INVS: variants seen among roughly 807,000 people sequenced by gnomAD.
INVS encodes the protein inversin.
In INVS, 86 loss-of-function variants were observed where a neutral mutation model predicts 108.8. The observed-to-expected ratio is 0.79, with a 90% CI of 0.66 to 0.95. INVS has a LOEUF of 0.95. Ranked by LOEUF, INVS falls within the 40% of genes least tolerant of loss-of-function variation. The pLI, the probability that INVS is intolerant of heterozygous loss-of-function variation, is 0.00. For missense variants in INVS, 1,169 were observed against 1,297.4 expected, an observed-to-expected ratio of 0.90 and a Z score of 1.52; for synonymous variants, 455 against 473.5, an observed-to-expected ratio of 0.96 and a Z score of 0.51.
At chr9:100,272,777 T>G in intron 11 of INVS, 87 bp from the exon 12 acceptor site, 1 of 1,233,754 alleles carries the variant, frequency 8.1e-7, no homozygotes, top group Non-Finnish European at 1.2e-6. Flanking sequence ...GAAGTTTCCT[T>G]CTGCTGCATA....
intron 1 of INVS, chr9:100,102,663 G>A (rs779577719): frequency 6.6e-6 from 1 of 152,226 alleles, no homozygotes; most frequent in African/African-American, 2.4e-5. Flanking sequence ...ATGCCATTCA[G>A]GTGTCCACTT....
chr9:100,104,666 C>A, intron 2 of INVS, 39 bp downstream of exon 2: 1 of 1,351,884 alleles, frequency 7.4e-7, no homozygotes, highest in Non-Finnish European at 1.1e-6. Context: ...TTAAAAGCAA[C>A]TGTTTGTCCT....
intron 2 of INVS, chr9:100,117,256 C>G: frequency 1.3e-6 from 1 of 781,928 alleles, no homozygotes; most frequent in Non-Finnish European, 2.2e-6. Flanking sequence ...TAGCAACAAA[C>G]GCTTTGAACC....
chr9:100,217,936 G>A (rs1410493285), intron 3 of INVS, among the ~76,000 whole-genome samples: 1 of 151,734 alleles, frequency 6.6e-6, no homozygotes, highest in Non-Finnish European at 1.5e-5. Flanking sequence ...TACTTCCTAG[G>A]GATAGTAATT....
At chr9:100,168,222 A>G (rs541307360) in intron 3 of INVS, among the ~76,000 whole-genome samples, 15 of 152,188 alleles carry the variant, frequency 9.9e-5, no homozygotes, top group East Asian at 3.9e-4. Flanking sequence ...TGATACTTCA[A>G]TTGGCTTATC....
At chr9:100,128,552 C>T (rs1232797191) in intron 3 of INVS, among the ~76,000 whole-genome samples, 2 of 152,020 alleles carry the variant, frequency 1.3e-5, no homozygotes, top group Non-Finnish European at 2.9e-5. Context: ...ATAGTATGCA[C>T]CAGTCAGGAA....
chr9:100,198,344 C>G (rs568269632), intron 3 of INVS, among the ~76,000 whole-genome samples: 2 of 118,424 alleles, frequency 1.7e-5, no homozygotes, highest in East Asian at 5.8e-4. Context: ...CTTGTGCAGG[C>G]TGGAGTGCAA....
chr9:100,198,172 T>C (rs758546433), intron 3 of INVS, among the ~76,000 whole-genome samples: 23 of 151,900 alleles, frequency 1.5e-4, no homozygotes, highest in Non-Finnish European at 4.4e-5. Context: ...ATTGCCTTTG[T>C]CAAACCTATT....
rs1207227700 is a variant in INVS, at chr9:100,226,244, T to C, written c.447+9T>C. On this transcript the variant is annotated intron_variant, in intron 4 of 16. Coordinates refer to ENST00000262457, the MANE Select transcript of INVS (RefSeq NM_014425.5). Reference sequence around the variant, plus strand: ...CACAGGATAAAAACAAGGTAATGGATACTCAAAATCAAAGACTAATAAGAC... The same window carrying C: ...CACAGGATAAAAACAAGGTAATGGACACTCAAAATCAAAGACTAATAAGAC... 1.2e-6 allele frequency: 2 copies of C among 1,612,110 alleles called. No individual in the cohort carries two copies. Among genetic ancestry groups the C allele is most frequent in the Non-Finnish European group, 1.7e-6 (2 of 1,178,714 alleles).
intron 3 of INVS, among the ~76,000 whole-genome samples, chr9:100,170,620 A>G (rs1414992328): frequency 2.6e-5 from 4 of 152,142 alleles, no homozygotes; most frequent in African/African-American, 4.8e-5. Context: ...TATCCTTGCA[A>G]AAGAAGTTCA....
In INVS at chr9:100,253,123, T is replaced by A; in HGVS notation, c.1451T>A (p.Ile484Asn). ...ATGGAAAACAATGCAGACCCTAACA[T>A]TCAAGACAAAGAGGTAGAAATTCTG... is the stretch of plus-strand genomic sequence containing the variant. ...VLMENNADPN[I>N]QDKEGRTALH... Residue 484 changes from isoleucine (I) to asparagine (N), a missense_variant, in exon 10 of 17, where the codon ATT becomes AAT. Physicochemically the swap from Ile to Asn is moderately radical, Grantham distance 149. Transcript: ENST00000262457. The A allele has an allele frequency of 1.9e-6, 3 of 1,612,464 alleles. No individual in the cohort carries two copies. Among genetic ancestry groups the A allele is most frequent in the Non-Finnish European group, 1.7e-6 (2 of 1,178,686 alleles).
intron 3 of INVS, among the ~76,000 whole-genome samples, chr9:100,211,938 AT>A (rs1273981699): frequency 6.6e-6 from 1 of 152,214 alleles, no homozygotes; most frequent in Non-Finnish European, 1.5e-5. Flanking sequence ...TTCTCATCAT[AT>A]TTGTTAAGTA....
chr9:100,246,774 A>C lies in INVS; in HGVS notation c.1065A>C (p.Lys355Asn), dbSNP rs146667666. The C allele has an allele frequency of 2.5e-6, 4 of 1,613,920 alleles. No homozygotes were observed. In the African/African-American group the frequency reaches 5.3e-5, roughly 22 times the overall value. The change falls in exon 8 of 17, where the codon AAA (lysine) becomes AAC (asparagine). Residue 355 changes from lysine (K) to asparagine (N), a missense_variant. Transcript: ENST00000262457. ...ACATAGATATTAACATGGCTGACAA[A>C]TATGGAGGTACAGGTGAGAACTGGT... ...KSDIDINMAD[K>N]YGGTALHAAA...
chr9:100,250,171 T>A (rs921257178), intron 8 of INVS, among the ~76,000 whole-genome samples: 2 of 152,148 alleles, frequency 1.3e-5, no homozygotes, highest in Non-Finnish European at 2.9e-5. Flanking sequence ...GTGCTGTAAG[T>A]TTATATAGAA....
chr9:100,101,000 A>ATAATGCATATAT (rs1491176587), intron 1 of INVS, among the ~76,000 whole-genome samples: 9 of 84,954 alleles, frequency 1.1e-4, no homozygotes, highest in African/African-American at 5.6e-4. Context: ...ATGTATATAT[A>ATAATGCATATAT]ATATATATAT....
intron 15 of INVS, among the ~76,000 whole-genome samples, chr9:100,297,555 T>G (rs776112860): frequency 3.5e-4 from 53 of 152,342 alleles, no homozygotes; most frequent in Admixed American, 2.9e-3. Flanking sequence ...GTTATAGGGT[T>G]GCCCACTATG....
chr9:100,189,190 C>G (rs1830148949), intron 3 of INVS, among the ~76,000 whole-genome samples: 1 of 108,160 alleles, frequency 9.2e-6, no homozygotes, highest in Admixed American at 1.1e-4. Context: ...GTTTTTGTTT[C>G]ATTGGTTCTT....
intron 10 of INVS, among the ~76,000 whole-genome samples, chr9:100,260,956 A>G (rs188380214): frequency 6.6e-6 from 1 of 152,328 alleles, no homozygotes; most frequent in East Asian, 1.9e-4. Flanking sequence ...TAATATGATT[A>G]GGCTCTCATA....
intron 3 of INVS, among the ~76,000 whole-genome samples, chr9:100,143,474 A>G (rs1828497088): frequency 6.6e-6 from 1 of 151,978 alleles, no homozygotes; most frequent in African/African-American, 2.4e-5. Context: ...TTAGGTTTTA[A>G]TGGGATGGTA....
Sources: gnomAD v4.1 joint callset for allele counts (sites outside exome capture counted in the v4.1 genomes callset) on GRCh38, gnomAD v4.1.1 for gene constraint, MANE v1.5 for transcripts, NCBI Gene and HGNC (gene_info 2026-07-23, HGNC 2026-07-21) for gene names.